Variants in MTUS2 observed in about 807,000 individuals in gnomAD.
MTUS2 encodes microtubule associated scaffold protein 2.
MTUS2 carries 40 observed loss-of-function variants against 114.1 expected under a neutral mutation model. The ratio of observed to expected loss-of-function variants is 0.35; its 90% confidence interval spans 0.27 to 0.46. The LOEUF is 0.46. MTUS2 is among the 20% of genes least tolerant of loss of function. The pLI, the probability that MTUS2 is intolerant of heterozygous loss-of-function variation, is 1.00. For missense variants in MTUS2, 1,679 were observed against 1,705.4 expected, an observed-to-expected ratio of 0.98 and a Z score of 0.27; for synonymous variants, 688 against 672.0, an observed-to-expected ratio of 1.02 and a Z score of -0.37.
intron 2 of MTUS2, among the ~76,000 whole-genome samples, chr13:28,844,297 G>C (rs951784918): frequency 6.6e-6 from 1 of 152,080 alleles, no homozygotes; most frequent in African/African-American, 2.4e-5. Flanking sequence ...TTTAAAAATG[G>C]CTTTTTAATG....
At chr13:29,231,751 T>C (rs1896333944) in intron 5 of MTUS2, among the ~76,000 whole-genome samples, 1 of 152,202 alleles carries the variant, frequency 6.6e-6, no homozygotes, top group Non-Finnish European at 1.5e-5. Flanking sequence ...TCTCATGTTA[T>C]TAAGTTTTCA....
At chr13:28,895,396 A>G (rs1879205592) in intron 2 of MTUS2, among the ~76,000 whole-genome samples, 1 of 152,210 alleles carries the variant, frequency 6.6e-6, no homozygotes, top group African/African-American at 2.4e-5. Context: ...GGATGTAGAA[A>G]ACTATTTTGA....
intron 2 of MTUS2, among the ~76,000 whole-genome samples, chr13:28,892,557 T>C (rs866171291): frequency 3.3e-5 from 5 of 152,348 alleles, no homozygotes; most frequent in South Asian, 4.1e-4. Context: ...TTTTGCTTTT[T>C]AATTTTTACT....
intron 4 of MTUS2, among the ~76,000 whole-genome samples, chr13:29,061,334 G>A (rs1257159542): frequency 6.6e-6 from 1 of 152,160 alleles, no homozygotes; most frequent in Non-Finnish European, 1.5e-5. Flanking sequence ...TATTCAACAA[G>A]ATGTCTCCAT....
At chr13:29,137,410 T>A (rs1336338691) in intron 5 of MTUS2, among the ~76,000 whole-genome samples, 1 of 152,166 alleles carries the variant, frequency 6.6e-6, no homozygotes, top group East Asian at 1.9e-4. Context: ...AAATGGGGAT[T>A]TTTGGCCATT....
chr13:29,464,111 G>A (rs1278395710), intron 9 of MTUS2, among the ~76,000 whole-genome samples: 1 of 152,250 alleles, frequency 6.6e-6, no homozygotes, highest in East Asian at 1.9e-4. Flanking sequence ...GGATCTGAAG[G>A]TTGTGGTGTT....
At chr13:28,855,340 GGTTTGC>G in intron 2 of MTUS2, among the ~76,000 whole-genome samples, 1 of 152,070 alleles carries the variant, frequency 6.6e-6, no homozygotes, top group African/African-American at 2.4e-5. Flanking sequence ...GTGCAATGGT[GGTTTGC>G]TGCATCTGTC....
At chr13:29,127,067 C>T (rs931725446) in intron 5 of MTUS2, among the ~76,000 whole-genome samples, 12 of 152,212 alleles carry the variant, frequency 7.9e-5, no homozygotes, top group Admixed American at 5.9e-4. Flanking sequence ...TACCCACATG[C>T]GTCTTGCTCA....
At chr13:28,971,734 C>T (rs1168748935) in intron 2 of MTUS2, among the ~76,000 whole-genome samples, 1 of 152,160 alleles carries the variant, frequency 6.6e-6, no homozygotes, top group Non-Finnish European at 1.5e-5. Context: ...TCGTTTACTT[C>T]TCATATAAAC....
chr13:28,828,488 T>G (rs1260659570), intron 1 of MTUS2, among the ~76,000 whole-genome samples: 1 of 152,192 alleles, frequency 6.6e-6, no homozygotes, highest in Non-Finnish European at 1.5e-5. Flanking sequence ...CCATGAAATC[T>G]TCACAATTTA....
Position 29,157,105 on chromosome 13 carries a change from A to G in MTUS2, c.2644+56135A>G, listed in dbSNP as rs1273370400. ...TTTATTGCTGCCCAAACTCCATTAC[A>G]TGCATTCTCTGCCATGCTCGTGGGT... On this transcript the variant is annotated intron_variant, in intron 5 of 15. Coordinates refer to ENST00000612955, the MANE Select transcript of MTUS2 (RefSeq NM_001033602.4). Among the ~76,000 whole-genome samples, 9 of 152,006 alleles carry G rather than the reference A, an allele frequency of 5.9e-5. 1 individual carries two copies.
intron 6 of MTUS2, among the ~76,000 whole-genome samples, chr13:29,318,070 G>A (rs896273580): frequency 2.6e-5 from 4 of 152,176 alleles, no homozygotes. Context: ...GGCAGGGTCA[G>A]CCCCGTGGCA....
chr13:29,169,299 AAAG>A (rs1432758633), intron 5 of MTUS2, among the ~76,000 whole-genome samples: 4 of 152,312 alleles, frequency 2.6e-5, no homozygotes, highest in East Asian at 3.9e-4. Flanking sequence ...TATAGAATAA[AAAG>A]AAGCACATTG....
At chr13:29,495,355 CA>C (rs561721512) in intron 12 of MTUS2, among the ~76,000 whole-genome samples, 1,157 of 29,780 alleles carry the variant, frequency 0.039, 5 homozygotes, top group African/African-American at 0.099. Flanking sequence ...GAGTCTTTGT[CA>C]AAAAAAAAAA....
At chr13:29,420,279 T>G (rs1167628280) in intron 8 of MTUS2, among the ~76,000 whole-genome samples, 1 of 139,748 alleles carries the variant, frequency 7.2e-6, no homozygotes, top group Non-Finnish European at 1.5e-5. Context: ...CTTTTCTTTC[T>G]TTCCTTTTTT....
intron 2 of MTUS2, among the ~76,000 whole-genome samples, chr13:28,980,937 A>G (rs1343689091): frequency 6.6e-6 from 1 of 152,272 alleles, no homozygotes; most frequent in East Asian, 1.9e-4. Flanking sequence ...GGCAACAGGC[A>G]TAAGCCGGGA....
chr13:29,233,701 A>G (rs929312498), intron 5 of MTUS2, among the ~76,000 whole-genome samples: 1 of 152,208 alleles, frequency 6.6e-6, no homozygotes, highest in African/African-American at 2.4e-5. Context: ...TGCTATTTCC[A>G]GGGAAACATT....
chr13:29,099,761 A>G (rs1325402977), intron 4 of MTUS2, among the ~76,000 whole-genome samples: 2 of 152,202 alleles, frequency 1.3e-5, no homozygotes, highest in South Asian at 2.1e-4. Context: ...ATACAGCACT[A>G]CAGCACGTGA....
At chr13:29,278,762 G>T (rs1898159636) in intron 5 of MTUS2, among the ~76,000 whole-genome samples, 2 of 152,194 alleles carry the variant, frequency 1.3e-5, no homozygotes, top group Admixed American at 6.5e-5. Flanking sequence ...TCTTAAGCTT[G>T]ATGGTCAATT....
Sources: allele counts gnomAD v4.1 joint callset (sites outside exome capture counted in the v4.1 genomes callset), GRCh38; gene constraint gnomAD v4.1.1; transcripts MANE v1.5; gene names NCBI Gene and HGNC (gene_info 2026-07-23, HGNC 2026-07-21).